COL4A5: variants seen among roughly 807,000 people sequenced by gnomAD.
COL4A5 encodes collagen alpha-5(IV) chain.
Under a neutral mutation model 130.2 loss-of-function variants are expected in COL4A5, and 26 were observed. The ratio of observed to expected loss-of-function variants is 0.20; its 90% CI spans 0.15 to 0.28. COL4A5 has a LOEUF of 0.28. Ranked by LOEUF, COL4A5 falls within the 10% of genes least tolerant of loss-of-function variation. The pLI is 1.00. For synonymous variants in COL4A5, 496 were observed against 439.6 expected (o/e 1.13, Z -1.60); for missense variants, 1,131 against 1,344.3 (o/e 0.84, Z 2.48).
At chrX:108,696,040 AAGAT>A in intron 52 of COL4A5, 2 of 336,259 alleles carry the variant, frequency 5.9e-6, no homozygotes, top group Non-Finnish European at 1.0e-5. Context: ...GAAAGAGAAA[AAGAT>A]AGAAAATGAG....
At chrX:108,497,028 G>A (rs778444449) in intron 1 of COL4A5, among the ~76,000 whole-genome samples, 90 of 111,379 alleles carry the variant, frequency 8.1e-4, no homozygotes, top group Middle Eastern at 4.7e-3. Flanking sequence ...TAACTCTCCC[G>A]TAATCCCCCA....
chrX:108,694,521 A>G (rs1734867767), intron 50 of COL4A5: 1 of 342,491 alleles, frequency 2.9e-6, no homozygotes, highest in African/African-American at 2.6e-5. Context: ...ACGGCAATTG[A>G]GGCATTGACT....
At chrX:108,510,658 G>A (rs2065172055) in intron 1 of COL4A5, among the ~76,000 whole-genome samples, 1 of 111,333 alleles carries the variant, frequency 9.0e-6, no homozygotes, top group Non-Finnish European at 1.9e-5. Context: ...AGGGGAGGAA[G>A]GAATAATAGA....
chrX:108,448,246 T>C (rs1382926565), intron 1 of COL4A5, among the ~76,000 whole-genome samples: 1 of 112,591 alleles, frequency 8.9e-6, no homozygotes, highest in African/African-American at 3.2e-5. Flanking sequence ...GAATCTGTTA[T>C]AAATGTCAGA....
At position 108,692,752 on chromosome X, in the gene COL4A5, G is replaced by A. The variant is rs370327284; in HGVS notation, c.4533G>A (p.Thr1511=). The change falls in exon 50 of 53, where the codon ACG becomes ACA. Residue 1511 remains threonine (T), a synonymous_variant. Transcript: ENST00000328300. The part of the protein sequence containing the change: ...NKRAHGQDLG[T]AGSCLRRFST... ...TTTCTCTCCAAATCTTTCTAGGGAC[G>A]GCTGGCAGCTGCCTTCGTCGCTTTA... 5.0e-5 allele frequency: 61 copies of A among 1,208,969 alleles called. No individual in the cohort carries two copies. Among genetic ancestry groups the A allele is most frequent in the Non-Finnish European group, 6.4e-5 (57 of 894,470 alleles).
chrX:108,674,493 GA>G (rs1227879057), intron 42 of COL4A5: 2 of 287,265 alleles, frequency 7.0e-6, no homozygotes, highest in Admixed American at 6.2e-5. Flanking sequence ...CTATTTTCTG[GA>G]TTAACGAAGA....
intron 36 of COL4A5, among the ~76,000 whole-genome samples, chrX:108,646,539 A>G (rs1172326741): frequency 1.8e-5 from 2 of 110,196 alleles, no homozygotes; most frequent in Non-Finnish European, 3.8e-5. Flanking sequence ...TTGCCTGTTC[A>G]CTCTGATAGT....
At chrX:108,596,911 G>T in intron 22 of COL4A5, 87 bp from the exon 23 acceptor site, 1 of 958,207 alleles carries the variant, frequency 1.0e-6, no homozygotes, top group Non-Finnish European at 1.5e-6. Flanking sequence ...CTGACTTGAT[G>T]ATTTCTGTAT....
At chrX:108,507,833 A>C (rs889183814) in intron 1 of COL4A5, among the ~76,000 whole-genome samples, 1 of 111,528 alleles carries the variant, frequency 9.0e-6, no homozygotes, top group Non-Finnish European at 1.9e-5. Context: ...CCAAAAACTC[A>C]ACATTCCTTC....
intron 25 of COL4A5, among the ~76,000 whole-genome samples, chrX:108,599,290 T>G (rs2066584017): frequency 8.9e-6 from 1 of 111,967 alleles, no homozygotes; most frequent in Admixed American, 9.5e-5. Flanking sequence ...ATTACCCCTC[T>G]GTTTTATGAC....
chrX:108,440,264 T>C, intron 1 of COL4A5, 58 bp downstream of exon 1: 1 of 768,546 alleles, frequency 1.3e-6, no homozygotes. Flanking sequence ...TGAAATTACC[T>C]TTTTTTTGGG....
intron 1 of COL4A5, among the ~76,000 whole-genome samples, chrX:108,536,261 G>T (rs1204487192): frequency 4.5e-5 from 4 of 89,750 alleles, no homozygotes; most frequent in African/African-American, 1.4e-4. Flanking sequence ...TATAGTAGTT[G>T]TGTGTGTGTG....
chrX:108,486,166 A>G (rs1002445108), intron 1 of COL4A5, among the ~76,000 whole-genome samples: 18 of 111,644 alleles, frequency 1.6e-4, no homozygotes, highest in African/African-American at 5.2e-4. Context: ...CTCTCAGTCC[A>G]CATGGCTGCT....
At chrX:108,546,150 T>G (rs1249252415) in intron 2 of COL4A5, among the ~76,000 whole-genome samples, 1 of 111,902 alleles carries the variant, frequency 8.9e-6, no homozygotes, top group Non-Finnish European at 1.9e-5. Context: ...ATCCTGTCAT[T>G]ATGATGTTAG....
intron 36 of COL4A5, chrX:108,626,874 G>A (rs1407373179): frequency 2.4e-5 from 18 of 765,828 alleles, no homozygotes; most frequent in Non-Finnish European, 2.8e-5. Flanking sequence ...CAGAATCATT[G>A]GACTCAACAG....
At chrX:108,636,324 A>T (rs1215008575) in intron 36 of COL4A5, among the ~76,000 whole-genome samples, 2 of 111,316 alleles carry the variant, frequency 1.8e-5, no homozygotes, top group East Asian at 5.6e-4. Context: ...ATGGTTTCTT[A>T]GCTATGACAC....
chrX:108,485,997 G>A (rs2064941410), intron 1 of COL4A5, among the ~76,000 whole-genome samples: 1 of 111,969 alleles, frequency 8.9e-6, no homozygotes, highest in African/African-American at 3.3e-5. Context: ...ACAGGGATGG[G>A]TGATTTCCTC....
chrX:108,589,810 G>A (rs992200298), intron 19 of COL4A5, among the ~76,000 whole-genome samples: 5 of 111,460 alleles, frequency 4.5e-5, no homozygotes, highest in Middle Eastern at 4.6e-3. Context: ...AAGAGCTTCT[G>A]CACAGCAAAA....
At chrX:108,441,690 A>G (rs1440567209) in intron 1 of COL4A5, among the ~76,000 whole-genome samples, 1 of 112,126 alleles carries the variant, frequency 8.9e-6, no homozygotes, top group Non-Finnish European at 1.9e-5. Context: ...TAAAACTGCA[A>G]TTGTGCTGTT....
Sources: allele counts gnomAD v4.1 joint callset (sites outside exome capture counted in the v4.1 genomes callset), GRCh38; gene constraint gnomAD v4.1.1; transcripts MANE v1.5; gene names NCBI Gene and HGNC (gene_info 2026-07-23, HGNC 2026-07-21).